C14orf132: variants seen among roughly 807,000 people sequenced by gnomAD.
C14orf132 encodes the protein chromosome 14 open reading frame 132.
Under a neutral mutation model 5.8 loss-of-function variants are expected in C14orf132, and 6 were observed. The observed-to-expected ratio is 1.03, with a 90% confidence interval of 0.57 to 2.04. The LOEUF is 2.04. Ranked by LOEUF, C14orf132 falls within the 30% of genes most tolerant of loss-of-function variation. The pLI, the probability that C14orf132 is intolerant of heterozygous loss-of-function variation, is 0.00. For synonymous variants in C14orf132, 51 were observed against 49.8 expected, an observed-to-expected ratio of 1.02 and a Z score of -0.10; for missense variants, 125 against 115.8, an observed-to-expected ratio of 1.08 and a Z score of -0.37.
intron 1 of C14orf132, among the ~76,000 whole-genome samples, chr14:96,067,110 C>T (rs1360834414): frequency 1.3e-5 from 2 of 152,234 alleles, no homozygotes; most frequent in East Asian, 3.8e-4. Flanking sequence ...AAAGATACTG[C>T]TCTTCCTTGC....
chr14:96,075,546 A>ATACCAT (rs1285108993), intron 1 of C14orf132, among the ~76,000 whole-genome samples: 3 of 152,140 alleles, frequency 2.0e-5, no homozygotes, highest in African/African-American at 7.2e-5. Flanking sequence ...AATGTTAGCT[A>ATACCAT]TAGGTTGTTT....
In C14orf132 at chr14:96,039,571, G is replaced by A; in HGVS notation, c.27+44G>A. 2 of 1,486,672 alleles carry A rather than the reference G, an allele frequency of 1.3e-6. No individual in the cohort carries two copies. Among genetic ancestry groups the A allele is most frequent in the Non-Finnish European group, 1.8e-6 (2 of 1,119,260 alleles). 92.1% of individuals were successfully genotyped at this position (1,486,672 alleles called of 1,614,324 possible). On this transcript the variant is annotated intron_variant, in intron 1 of 1. Coordinates refer to ENST00000555004, the MANE Select transcript of C14orf132 (RefSeq NM_001252507.3). This position sits in a 1 kb window ranked among gnomAD's most constrained non-coding sequence, Gnocchi z 5.3. ...CACGCGCCCCGGGCCGCCAAGTTTG[G>A]GGAGGTTCGGGGCCACGGTCTCGCC...
In C14orf132 at chr14:96,085,988, T is replaced by TCACACA. The variant is rs10558318; in HGVS notation, c.28-502_28-497dup. 5.8e-4 allele frequency among the ~76,000 whole-genome samples: 86 copies of TCACACA among 148,854 alleles called. 1 individual carries two copies. Among genetic ancestry groups the TCACACA allele is most frequent in the Admixed American group, 4.0e-4 (6 of 14,970 alleles). On this transcript the variant is annotated intron_variant, in intron 1 of 1. Coordinates refer to ENST00000555004, the MANE Select transcript of C14orf132 (RefSeq NM_001252507.3). ...CTCACTCTGTCTCTCTCTCTCTCTG[T>TCACACA]CACACACACACACACACACACACAC...
rs375260509 is a variant in C14orf132, at chr14:96,049,651, T to TAG, written c.27+10125_27+10126insGA. Among the ~76,000 whole-genome samples, 168 of 67,806 alleles carry TAG rather than the reference T, an allele frequency of 2.5e-3. 14 individuals carry two copies. Among genetic ancestry groups the TAG allele is most frequent in the African/African-American group, 8.0e-3 (143 of 17,772 alleles). The allele number at this position is 67,806 out of a possible 152,430, so 44.5% of individuals were successfully genotyped here. A position where few individuals can be genotyped will look rare whatever the true frequency, so the allele number is the denominator to read the frequency against. On this transcript the variant is annotated intron_variant, in intron 1 of 1. Transcript: ENST00000555004. ...ATATACATATATACGTATATATATA[T>TAG]ATAGAGAGAGAGAGAGAGAGAGTTC... is the stretch of plus-strand genomic sequence containing the variant.
chr14:96,069,461 C>T (rs1887641753), intron 1 of C14orf132, among the ~76,000 whole-genome samples: 1 of 151,962 alleles, frequency 6.6e-6, no homozygotes, highest in African/African-American at 2.4e-5. Flanking sequence ...ACTATCAAAG[C>T]CTCAGTTATA....
intron 1 of C14orf132, among the ~76,000 whole-genome samples, chr14:96,079,397 A>C (rs1887966604): frequency 6.6e-6 from 1 of 152,186 alleles, no homozygotes; most frequent in Non-Finnish European, 1.5e-5. Flanking sequence ...GCCTCTTTCT[A>C]GCCGAAATGT....
In C14orf132 at chr14:96,088,129, G is replaced by T. The variant is rs571524195; in HGVS notation, c.*1394G>T. ...TGTAGTGGAGAAACTTAAAAAGCTG[G>T]TTAGGAAGCTCTCGTGTATATTTAG... On this transcript the variant is annotated 3_prime_UTR_variant, in exon 2 of 2. Transcript: ENST00000555004. The T allele has an allele frequency of 3.9e-5, 6 of 152,210 alleles. No individual in the cohort carries two copies. Among genetic ancestry groups the T allele is most frequent in the African/African-American group, 1.2e-4 (5 of 41,446 alleles). The allele number at this position is 152,210 out of a possible 1,614,324, so 9.4% of individuals were successfully genotyped here.
chr14:96,074,849 A>C (rs1887815662), intron 1 of C14orf132, among the ~76,000 whole-genome samples: 1 of 147,074 alleles, frequency 6.8e-6, no homozygotes, highest in South Asian at 2.2e-4. Flanking sequence ...ATACAGTAGC[A>C]TGAGTTCACC....
chr14:96,074,810 A>G (rs1361748126), intron 1 of C14orf132, among the ~76,000 whole-genome samples: 1 of 151,900 alleles, frequency 6.6e-6, no homozygotes, highest in East Asian at 1.9e-4. Flanking sequence ...CACTGTCTTG[A>G]TAACTGTAGC....
intron 1 of C14orf132, among the ~76,000 whole-genome samples, chr14:96,063,288 C>A (rs766232104): frequency 6.6e-6 from 1 of 152,064 alleles, no homozygotes. Context: ...ACCCAAGGAA[C>A]AGGACTGTGG....
chr14:96,059,150 A>G (rs1887270387), intron 1 of C14orf132, among the ~76,000 whole-genome samples: 1 of 152,184 alleles, frequency 6.6e-6, no homozygotes, highest in Non-Finnish European at 1.5e-5. Flanking sequence ...TAGCCTAGCC[A>G]GGTGCACATC....
At chr14:96,054,157 C>G (rs1476313430) in intron 1 of C14orf132, among the ~76,000 whole-genome samples, 4 of 152,152 alleles carry the variant, frequency 2.6e-5, no homozygotes, top group Admixed American at 2.0e-4. Context: ...GCCAGAATCC[C>G]TCCCCATCAT....
chr14:96,076,342 A>G (rs1313861377), intron 1 of C14orf132, among the ~76,000 whole-genome samples: 1 of 151,990 alleles, frequency 6.6e-6, no homozygotes, highest in African/African-American at 2.4e-5. Flanking sequence ...GAGGTTTATC[A>G]TTGTTATTGA....
chr14:96,048,565 C>T (rs1886899572), intron 1 of C14orf132, among the ~76,000 whole-genome samples: 2 of 151,846 alleles, frequency 1.3e-5, no homozygotes, highest in Admixed American at 6.6e-5. Context: ...CACTCTGTTG[C>T]CCTGGCTGGA....
chr14:96,068,722 C>T (rs1595181808), intron 1 of C14orf132, among the ~76,000 whole-genome samples: 1 of 152,288 alleles, frequency 6.6e-6, no homozygotes, highest in Admixed American at 6.5e-5. Context: ...TAGCTCTTGT[C>T]ACCTTTAGCA....
rs976941010 is a variant in C14orf132, at chr14:96,093,571, C to T, written c.*6836C>T. 3.3e-5 allele frequency: 5 copies of T among 152,134 alleles called. No individual in the cohort carries two copies. Among genetic ancestry groups the T allele is most frequent in the Admixed American group, 1.3e-4 (2 of 15,284 alleles). 9.4% of individuals were successfully genotyped at this position (152,134 alleles called of 1,614,324 possible). ...CTCTCCAGATACCAATTCTTCATGC[C>T]GAGAGCATCGGAAATGTTTTTGTGT... On this transcript the variant is annotated 3_prime_UTR_variant, in exon 2 of 2. Coordinates refer to ENST00000555004, the MANE Select transcript of C14orf132 (RefSeq NM_001252507.3).
intron 1 of C14orf132, among the ~76,000 whole-genome samples, chr14:96,053,431 G>A (rs904454934): frequency 3.3e-5 from 5 of 152,192 alleles, no homozygotes; most frequent in Non-Finnish European, 4.4e-5. Flanking sequence ...TCTGTGTCCC[G>A]GCAGCCATGC....
At position 96,086,855 on chromosome 14, in the gene C14orf132, C is replaced by T. The variant is rs946801100; in HGVS notation, c.*120C>T. On this transcript the variant is annotated 3_prime_UTR_variant, in exon 2 of 2. Coordinates refer to ENST00000555004, the MANE Select transcript of C14orf132 (RefSeq NM_001252507.3). ...GTTTTGACCAGGGGCGGCGGCCGTC[C>T]TTCTGGAATTTCTCCCCAGCAGCCC... The T allele has an allele frequency of 1.6e-5, 16 of 982,008 alleles. No homozygotes were observed. The African/African-American group carries it at 2.1e-4, about 13-fold the overall frequency. The allele number at this position is 982,008 out of a possible 1,614,324, so 60.8% of individuals were successfully genotyped here.
intron 1 of C14orf132, among the ~76,000 whole-genome samples, chr14:96,078,871 A>G (rs77238849): frequency 0.22 from 33,358 of 152,134 alleles, 3,975 homozygotes; most frequent in Non-Finnish European, 0.27. Flanking sequence ...GAGTCCACAA[A>G]TGGGAAATGA....
Sources: gnomAD v4.1 joint callset for allele counts (sites outside exome capture counted in the v4.1 genomes callset) on GRCh38, gnomAD v4.1.1 for gene constraint, Gnocchi (gnomAD v3.1) non-coding constraint, MANE v1.5 for transcripts, NCBI Gene and HGNC (gene_info 2026-07-23, HGNC 2026-07-21) for gene names.